Variants in ELP2 observed in about 807,000 individuals in gnomAD.
ELP2 encodes elongator acetyltransferase complex subunit 2, also known as elongator complex protein 2.
In ELP2, 90 loss-of-function variants were observed where a neutral mutation model predicts 119.2. The ratio of observed to expected loss-of-function variants is 0.75; its 90% CI spans 0.64 to 0.90. ELP2 has a LOEUF of 0.90. ELP2 is among the 40% of genes least tolerant of loss of function. The pLI is 0.00. For synonymous variants in ELP2, 339 were observed against 331.0 expected, an observed-to-expected ratio of 1.02 and a Z score of -0.26; for missense variants, 921 against 967.8, an observed-to-expected ratio of 0.95 and a Z score of 0.64.
At position 36,156,466 on chromosome 18, in the gene ELP2, G is replaced by C; in HGVS notation, c.1276G>C (p.Val426Leu). The C allele has an allele frequency of 6.2e-7, 1 of 1,613,976 alleles. No individual in the cohort carries two copies. The highest frequency in any genetic ancestry group is 8.5e-7 in the Non-Finnish European group (1 of 1,179,948). ...APWKRKDQSQ[V>L]TWHEIARPQI... ...TTTTTGTTTATCCCGTTTTACCCAG[G>C]TGACTTGGCATGAAATTGCAAGGCC... Residue 426 changes from valine to leucine, a missense_variant and splice_region_variant, in exon 13 of 22, where the codon GTG becomes CTG. Coordinates refer to ENST00000358232, the MANE Select transcript of ELP2 (RefSeq NM_018255.4).
chr18:36,142,575 C>A (rs1403523336), intron 7 of ELP2, among the ~76,000 whole-genome samples: 1 of 152,034 alleles, frequency 6.6e-6, no homozygotes. Flanking sequence ...CACATGCAGA[C>A]CTTCTTGAAA....
chr18:36,169,448 AC>A (rs2091011462), intron 19 of ELP2, among the ~76,000 whole-genome samples: 1 of 147,340 alleles, frequency 6.8e-6, no homozygotes, highest in Non-Finnish European at 1.5e-5. Flanking sequence ...GTGCAGTGGC[AC>A]GATCTCGGCT....
chr18:36,172,302 A>G (rs1400445043), intron 21 of ELP2, among the ~76,000 whole-genome samples: 1 of 152,078 alleles, frequency 6.6e-6, no homozygotes, highest in Non-Finnish European at 1.5e-5. Flanking sequence ...TACTAATATC[A>G]TTCTGTGTTA....
rs1321811579 is a variant in ELP2 at position 36,133,132 on chromosome 18, C to T, written c.139-106C>T. 3.8e-6 allele frequency: 3 copies of T among 786,636 alleles called. No individual in the cohort carries two copies. The African/African-American group carries it at 5.3e-5, about 14-fold the overall frequency. 48.7% of individuals were successfully genotyped at this position (786,636 alleles called of 1,614,324 possible). ...GAAGGCAAATCTGTTTGATGTAAAC[C>T]TGATCTTTTTACTAGCATCGAAAAC... On this transcript the variant is annotated intron_variant, in intron 1 of 21. Transcript: ENST00000358232.
chr18:36,131,822 C>G (rs2089642416), intron 1 of ELP2, among the ~76,000 whole-genome samples: 1 of 151,546 alleles, frequency 6.6e-6, no homozygotes, highest in Non-Finnish European at 1.5e-5. Flanking sequence ...TGTATTCCAT[C>G]AGATTTTAAA....
At chr18:36,132,685 G>A (rs914054686) in intron 1 of ELP2, among the ~76,000 whole-genome samples, 2 of 152,202 alleles carry the variant, frequency 1.3e-5, no homozygotes, top group Middle Eastern at 3.2e-3. Context: ...AATCTGATGT[G>A]TGAGGACCTT....
chr18:36,140,663 G>C (rs1011306306), intron 5 of ELP2, among the ~76,000 whole-genome samples: 2 of 151,998 alleles, frequency 1.3e-5, no homozygotes, highest in Admixed American at 1.3e-4. Flanking sequence ...CTTTTATTTT[G>C]TTTTAAACAA....
intron 19 of ELP2, among the ~76,000 whole-genome samples, chr18:36,167,853 T>C (rs1033197489): frequency 6.6e-6 from 1 of 152,090 alleles, no homozygotes; most frequent in African/African-American, 2.4e-5. Context: ...CCAATGTTTT[T>C]ATTGTGTAGA....
At position 36,146,260 on chromosome 18, in the gene ELP2, G is replaced by A. The variant is rs2090196687; in HGVS notation, c.1004G>A (p.Gly335Asp). ...SGVWLEQVRV[G>D]EVGGNTLGFY... ...TCTGTTATTGTACAGGTTCGAGTAG[G>A]TGAAGTAGGTGGGAATACTTTGGGA... The change falls in exon 11 of 22, where the codon GGT (glycine) becomes GAT (aspartate). Residue 335 changes from glycine to aspartate, a missense_variant. Transcript: ENST00000358232. 6.2e-7 allele frequency: 1 copy of A among 1,613,970 alleles called. No homozygotes were observed. The highest frequency in any genetic ancestry group is 8.5e-7 in the Non-Finnish European group (1 of 1,179,972).
rs1271091401 is a variant in ELP2 at position 36,170,891 on chromosome 18, A to G, written c.2211-156A>G. ...TGTAAAGAGGAGGCTCCTTGAGGAC[A>G]CAGGAGAGCAGTGCAGCATGTCCTG... On this transcript the variant is annotated intron_variant, in intron 20 of 21. Coordinates refer to ENST00000358232, the MANE Select transcript of ELP2 (RefSeq NM_018255.4). The G allele has an allele frequency of 5.3e-5, 36 of 682,498 alleles. No homozygotes were observed. In the Admixed American group the frequency reaches 7.2e-4, roughly 14 times the overall value. 42.3% of individuals were successfully genotyped at this position (682,498 alleles called of 1,614,324 possible).
chr18:36,135,224 C>T (rs994464335), intron 2 of ELP2, among the ~76,000 whole-genome samples: 2 of 152,186 alleles, frequency 1.3e-5, no homozygotes, highest in African/African-American at 4.8e-5. Context: ...TTGTGTATTA[C>T]TGTAATCTAT....
Position 36,156,562 on chromosome 18 carries a change from G to GAA in ELP2, c.1376_1377dup (p.Val460LysfsTer24). Reference sequence around the variant, plus strand: ...GTTTCAGTTTGTATCTGGAGCAGATGAAAAAGTTCTTCGGGTTTTTTCTGC... The same window carrying GAA: ...GTTTCAGTTTGTATCTGGAGCAGATGAAAAAAAGTTCTTCGGGTTTTTTCTGC... On this transcript the variant is annotated frameshift_variant, in exon 13 of 22. Coordinates refer to ENST00000358232, the MANE Select transcript of ELP2 (RefSeq NM_018255.4). LOFTEE classifies it high-confidence loss of function. The GAA allele has an allele frequency of 6.2e-7, 1 of 1,614,102 alleles. No individual in the cohort carries two copies. The highest frequency in any genetic ancestry group is 8.5e-7 in the Non-Finnish European group (1 of 1,180,004).
intron 21 of ELP2, 109 bp from the exon 22 acceptor site, chr18:36,174,373 TTAA>T (rs1361040109): frequency 7.6e-6 from 8 of 1,047,996 alleles, no homozygotes; most frequent in African/African-American, 3.2e-5. Context: ...GGCTAAAATG[TTAA>T]TGATGCGATT....
chr18:36,138,521 G>T, intron 4 of ELP2, 95 bp downstream of exon 4: 1 of 1,356,656 alleles, frequency 7.4e-7, no homozygotes, highest in East Asian at 2.5e-5. Flanking sequence ...TTACAACTTT[G>T]GAGCAACTTT....
chr18:36,132,135 C>G (rs980367992), intron 1 of ELP2, among the ~76,000 whole-genome samples: 3 of 152,118 alleles, frequency 2.0e-5, no homozygotes, highest in African/African-American at 7.2e-5. Flanking sequence ...GTCTCCAACT[C>G]CTGGCCTCCT....
chr18:36,138,372 G>A lies in ELP2; in HGVS notation c.391G>A (p.Val131Ile), dbSNP rs753011010. 1.3e-5 allele frequency: 21 copies of A among 1,613,944 alleles called. No homozygotes were observed. Among genetic ancestry groups the A allele is most frequent in the Admixed American group, 6.7e-5 (4 of 59,988 alleles). ...TSDPALCTLI[V>I]SAAADSAVRL... ...AGATCCTGCATTATGTACACTGATCGTTTCTGCAGCTGCAGATTCTGCTGT... is the reference window on the plus strand; with the variant it reads ...AGATCCTGCATTATGTACACTGATCATTTCTGCAGCTGCAGATTCTGCTGT... Residue 131 changes from valine (V) to isoleucine (I), a missense_variant, in exon 4 of 22, where the codon GTT becomes ATT. Coordinates refer to ENST00000358232, the MANE Select transcript of ELP2 (RefSeq NM_018255.4).
Position 36,142,985 on chromosome 18 carries a change from A to G in ELP2, c.796+19A>G. ...AATGAAAGTGAGTAATAATGAAAAT[A>G]TCCAATATAACGATACTTAGGTCTC... On this transcript the variant is annotated intron_variant, in intron 8 of 21. Coordinates refer to ENST00000358232, the MANE Select transcript of ELP2 (RefSeq NM_018255.4). The G allele has an allele frequency of 6.5e-7, 1 of 1,549,328 alleles. No individual in the cohort carries two copies. Among genetic ancestry groups the G allele is most frequent in the Non-Finnish European group, 8.9e-7 (1 of 1,126,788 alleles).
intron 20 of ELP2, 123 bp from the exon 21 acceptor site, chr18:36,170,924 G>A (rs1217568486): frequency 2.7e-6 from 2 of 741,176 alleles, no homozygotes; most frequent in Admixed American, 4.0e-5. Flanking sequence ...CTGGGCTGAT[G>A]CCTGCAGAGT....
At chr18:36,154,430 A>G (rs1457212391) in intron 11 of ELP2, among the ~76,000 whole-genome samples, 4 of 152,182 alleles carry the variant, frequency 2.6e-5, no homozygotes, top group African/African-American at 7.2e-5. Flanking sequence ...CATTTTATAC[A>G]ATTTTTATTT....
Sources: gnomAD v4.1 joint callset for allele counts (sites outside exome capture counted in the v4.1 genomes callset) on GRCh38, gnomAD v4.1.1 for gene constraint, MANE v1.5 for transcripts, NCBI Gene and HGNC (gene_info 2026-07-23, HGNC 2026-07-21) for gene names.